Variants in EPHX2 observed in about 807,000 individuals in gnomAD.
The protein encoded by EPHX2 is epoxide hydrolase 2.
In EPHX2, 74 loss-of-function variants were observed where a neutral mutation model predicts 78.7. The observed-to-expected ratio is 0.94, with a 90% CI of 0.78 to 1.14. EPHX2 has a LOEUF of 1.14. EPHX2 is among the 50% of genes most tolerant of loss of function. The pLI, the probability that EPHX2 is intolerant of heterozygous loss-of-function variation, is 0.00. For missense variants in EPHX2, 715 were observed against 702.5 expected, an observed-to-expected ratio of 1.02 and a Z score of -0.20; for synonymous variants, 251 against 255.2, an observed-to-expected ratio of 0.98 and a Z score of 0.16.
chr8:27,521,783 C>T (rs914868470), intron 10 of EPHX2, among the ~76,000 whole-genome samples: 5 of 152,190 alleles, frequency 3.3e-5, no homozygotes, highest in Non-Finnish European at 5.9e-5. Context: ...AGTGACTCTG[C>T]GGTTGCTGCC....
At chr8:27,536,104 G>A (rs1428319039) in intron 12 of EPHX2, among the ~76,000 whole-genome samples, 1 of 152,180 alleles carries the variant, frequency 6.6e-6, no homozygotes, top group East Asian at 1.9e-4. Context: ...AGAACTGGAA[G>A]GACCTGGTCA....
chr8:27,498,203 G>T (rs370625253), intron 1 of EPHX2, among the ~76,000 whole-genome samples: 1 of 152,154 alleles, frequency 6.6e-6, no homozygotes, highest in East Asian at 1.9e-4. Context: ...CCCAGGTTGG[G>T]CCAAATTCCC....
chr8:27,526,695 C>T (rs905227525), intron 12 of EPHX2, among the ~76,000 whole-genome samples: 2 of 152,092 alleles, frequency 1.3e-5, no homozygotes, highest in African/African-American at 4.8e-5. Context: ...AGGCCTCTCT[C>T]CTTGGCTTGT....
intron 12 of EPHX2, among the ~76,000 whole-genome samples, chr8:27,534,513 G>A (rs1343675055): frequency 1.3e-5 from 2 of 152,058 alleles, no homozygotes; most frequent in African/African-American, 2.4e-5. Context: ...TTAGCCGGGC[G>A]TGATAGTGGG....
intron 6 of EPHX2, among the ~76,000 whole-genome samples, chr8:27,514,904 G>A (rs775262615): frequency 5.9e-5 from 9 of 152,088 alleles, no homozygotes; most frequent in African/African-American, 1.4e-4. Flanking sequence ...TGCCACACCC[G>A]TAGCCCCCAA....
At chr8:27,521,007 G>C in intron 10 of EPHX2, 98 bp downstream of exon 10, 1 of 1,505,278 alleles carries the variant, frequency 6.6e-7, no homozygotes, top group Non-Finnish European at 9.2e-7. Context: ...GCACGGGCAG[G>C]GAGGGCCCAT....
At chr8:27,500,823 C>A (rs1813737296) in intron 1 of EPHX2, 103 bp from the exon 2 acceptor site, 1 of 1,048,472 alleles carries the variant, frequency 9.5e-7, no homozygotes, top group African/African-American at 1.6e-5. Flanking sequence ...TGGCAGTATC[C>A]CTTTCTAGTG....
At chr8:27,491,704 C>T (rs1813386389) in intron 1 of EPHX2, among the ~76,000 whole-genome samples, 2 of 152,052 alleles carry the variant, frequency 1.3e-5, no homozygotes, top group South Asian at 2.1e-4. Context: ...CTGCAGCAAC[C>T]GCCCAAAGCC....
chr8:27,495,967 T>G (rs1019815901), intron 1 of EPHX2, among the ~76,000 whole-genome samples: 3 of 152,208 alleles, frequency 2.0e-5, no homozygotes, highest in African/African-American at 7.2e-5. Context: ...CTGGGTCTCC[T>G]TGATTAGAGC....
At chr8:27,547,222 A>C (rs1585230712), downstream of EPHX2, among the ~76,000 whole-genome samples, 6 of 152,274 alleles carry the variant, frequency 3.9e-5, 1 homozygote, top group Middle Eastern at 0.017. Flanking sequence ...AGAGGTCTTT[A>C]GGTTTTTCAA....
At chr8:27,543,023 G>A (rs114072046) in intron 16 of EPHX2, among the ~76,000 whole-genome samples, 9,662 of 44,222 alleles carry the variant, frequency 0.22, 418 homozygotes, top group Middle Eastern at 0.34. Flanking sequence ...CCCGCCCCCC[G>A]CCCAGTTCAC....
intron 12 of EPHX2, among the ~76,000 whole-genome samples, chr8:27,527,147 C>T (rs926545766): frequency 3.9e-5 from 6 of 151,992 alleles, no homozygotes; most frequent in Non-Finnish European, 8.8e-5. Flanking sequence ...TTAGTAGAGA[C>T]GGGGTTTCAC....
At chr8:27,501,324 T>TTCTTCTTCTTCTTC (rs1813761423) in intron 2 of EPHX2, among the ~76,000 whole-genome samples, 4 of 102,914 alleles carry the variant, frequency 3.9e-5, no homozygotes, top group Non-Finnish European at 6.0e-5. Context: ...TGCTATATAT[T>TTCTTCTTCTTCTTC]TTCTTCTTCT....
intron 5 of EPHX2, among the ~76,000 whole-genome samples, chr8:27,509,897 C>G (rs1260234027): frequency 2.0e-5 from 3 of 152,186 alleles, no homozygotes; most frequent in Non-Finnish European, 4.4e-5. Flanking sequence ...TTCCCACCCC[C>G]AAAAGCAAGG....
intron 16 of EPHX2, 122 bp downstream of exon 16, chr8:27,541,664 C>T (rs750080837): frequency 1.0e-6 from 1 of 998,874 alleles, no homozygotes; most frequent in Admixed American, 2.0e-5. Flanking sequence ...CTGGCCACCT[C>T]CTTTCCCTTT....
intron 2 of EPHX2, 56 bp downstream of exon 2, chr8:27,501,066 C>T: frequency 6.7e-7 from 1 of 1,494,008 alleles, no homozygotes; most frequent in Non-Finnish European, 9.2e-7. Context: ...GCCTGTGTGC[C>T]CATCTCCCCG....
At chr8:27,508,472 T>C (rs1814101912) in intron 5 of EPHX2, among the ~76,000 whole-genome samples, 1 of 152,186 alleles carries the variant, frequency 6.6e-6, no homozygotes, top group South Asian at 2.1e-4. Context: ...CTTTGTTCAT[T>C]TGTCCTTCTA....
chr8:27,491,703 C>T (rs1433738032), intron 1 of EPHX2, among the ~76,000 whole-genome samples: 2 of 152,148 alleles, frequency 1.3e-5, no homozygotes, highest in African/African-American at 2.4e-5. Context: ...ACTGCAGCAA[C>T]CGCCCAAAGC....
At chr8:27,537,577 C>G (rs1054334067) in intron 13 of EPHX2, among the ~76,000 whole-genome samples, 3 of 152,150 alleles carry the variant, frequency 2.0e-5, no homozygotes, top group Non-Finnish European at 1.5e-5. Context: ...AGTGTCTGAT[C>G]TGCAGTTTAA....
Sources: gnomAD v4.1 joint callset for allele counts (sites outside exome capture counted in the v4.1 genomes callset) on GRCh38, gnomAD v4.1.1 for gene constraint, MANE v1.5 for transcripts, NCBI Gene and HGNC (gene_info 2026-07-23, HGNC 2026-07-21) for gene names.